Variants in PTPRB observed in about 807,000 individuals in gnomAD.
PTPRB encodes protein tyrosine phosphatase receptor type B, also known as receptor-type tyrosine-protein phosphatase beta.
PTPRB carries 97 observed loss-of-function variants against 238.1 expected under a neutral mutation model. That is an observed-to-expected ratio of 0.41 (90% CI 0.35 to 0.48). The LOEUF (loss-of-function observed/expected upper bound fraction) is 0.48. Among genes scored for constraint, PTPRB ranks in the 20% least tolerant of loss-of-function variants. The pLI is 0.30. For missense variants in PTPRB, 2,292 were observed against 2,681.9 expected, an observed-to-expected ratio of 0.85 and a Z score of 3.21; for synonymous variants, 970 against 995.4, an observed-to-expected ratio of 0.97 and a Z score of 0.48.
chr12:70,558,844 G>T (rs1878074090), intron 18 of PTPRB: 1 of 165,920 alleles, frequency 6.0e-6, no homozygotes, highest in Non-Finnish European at 1.3e-5. Context: ...CACCTTTTAT[G>T]CTATGGCCAA....
At chr12:70,540,986 C>G in intron 22 of PTPRB, 29 bp from the exon 23 acceptor site, 1 of 1,551,518 alleles carries the variant, frequency 6.4e-7, no homozygotes, top group Non-Finnish European at 8.8e-7. Flanking sequence ...AAACAACAAA[C>G]GCAGGTGGGA....
rs111887306 is a variant in PTPRB, at chr12:70,635,875, T to C, written c.247A>G (p.Ile83Val). ...NSSRGPSRSA[I>V]LDRCSQAPRW... Reference sequence around the variant, plus strand: ...GGTGCCTGGGAACAGCGGTCCAAGATGGCTGAGCGGGAGGGGCCGCGGGAA... The same window carrying C: ...GGTGCCTGGGAACAGCGGTCCAAGACGGCTGAGCGGGAGGGGCCGCGGGAA... Residue 83 changes from isoleucine (I) to valine (V), a missense_variant, in exon 2 of 34, where the codon ATC becomes GTC. This residue lies in a region of PTPRB where 1,205 missense variants were observed against 1,287.8 expected (regional missense o/e 0.94). Coordinates refer to ENST00000334414, the MANE Select transcript of PTPRB (RefSeq NM_001109754.4). The C allele has an allele frequency of 1.2e-5, 20 of 1,613,636 alleles. No individual in the cohort carries two copies. Among genetic ancestry groups the C allele is most frequent in the South Asian group, 9.9e-5 (9 of 91,056 alleles).
At chr12:70,602,153 CTTACT>C (rs1412187545) in intron 4 of PTPRB, among the ~76,000 whole-genome samples, 3 of 152,058 alleles carry the variant, frequency 2.0e-5, no homozygotes, top group African/African-American at 7.2e-5. Context: ...AGTTTTCTGG[CTTACT>C]TTAAAGATGA....
Position 70,635,936 on chromosome 12 carries a change from A to G in PTPRB, c.186T>C (p.His62=). The G allele has an allele frequency of 1.2e-6, 2 of 1,613,752 alleles. No individual in the cohort carries two copies. The highest frequency in any genetic ancestry group is 1.1e-5 in the South Asian group (1 of 91,024). Residue 62 remains histidine, a synonymous_variant, in exon 2 of 34, where the codon CAT becomes CAC. Coordinates refer to ENST00000334414, the MANE Select transcript of PTPRB (RefSeq NM_001109754.4). ...WMWTEDEKLL[H]VKSALCLAIS... is the part of the protein sequence containing the mutation. ...TGGCCAAGCACAGTGCAGATTTAAC[A>G]TGAAGGAGCTTTTCATCCTCAGTCC...
At chr12:70,580,691 C>T (rs1340300132) in intron 10 of PTPRB, among the ~76,000 whole-genome samples, 8 of 152,110 alleles carry the variant, frequency 5.3e-5, no homozygotes, top group Admixed American at 2.0e-4. Flanking sequence ...TGGTGGCACA[C>T]GCCTGTAATC....
chr12:70,576,648 G>C lies in PTPRB; in HGVS notation c.2579-3C>G. Reference sequence around the variant, plus strand: ...TACTCCACTCACACTGGAAGGGACTGTGATTTTGAAAGGTGGGGGGCGGGG... The same window carrying C: ...TACTCCACTCACACTGGAAGGGACTCTGATTTTGAAAGGTGGGGGGCGGGG... On this transcript the variant is annotated splice_polypyrimidine_tract_variant and splice_region_variant and intron_variant, in intron 10 of 33. Transcript: ENST00000334414. The C allele has an allele frequency of 1.1e-6, 1 of 875,148 alleles. No homozygotes were observed. Among genetic ancestry groups the C allele is most frequent in the Non-Finnish European group, 1.5e-6 (1 of 666,254 alleles). 54.2% of individuals were successfully genotyped at this position (875,148 alleles called of 1,614,324 possible). A position where few individuals can be genotyped will look rare whatever the true frequency, so the allele number is the denominator to read the frequency against.
Position 70,556,100 on chromosome 12 carries a change from G to A in PTPRB, c.4763C>T (p.Ala1588Val), listed in dbSNP as rs1270122101. ...NLHCRPQNST[A>V]IACSWIPPDS... ...AGGAGGGATCCAAGAACAGGCAATG[G>A]CCGTGGAGTTCTGAGGCCGGCAATG... Residue 1588 changes from alanine to valine, a missense_variant, in exon 19 of 34, where the codon GCC becomes GTC. By Grantham distance (64) the Ala-to-Val change is moderately conservative (BLOSUM62 0). This residue lies in a region of PTPRB where 683 missense variants were observed against 862.0 expected (regional missense o/e 0.79). Transcript: ENST00000334414. 1 of 1,613,686 alleles carries A rather than the reference G, an allele frequency of 6.2e-7. No homozygotes were observed. Among genetic ancestry groups the A allele is most frequent in the African/African-American group, 1.3e-5 (1 of 74,918 alleles).
chr12:70,555,056 T>C (rs1877447380), intron 20 of PTPRB, 104 bp downstream of exon 20: 1 of 1,364,984 alleles, frequency 7.3e-7, no homozygotes, highest in South Asian at 1.4e-5. Context: ...AAAAATTACA[T>C]TTTCTACTTA....
intron 15 of PTPRB, 112 bp downstream of exon 15, chr12:70,566,323 C>CA: frequency 7.5e-7 from 1 of 1,332,066 alleles, no homozygotes; most frequent in South Asian, 1.5e-5. Flanking sequence ...CCCAGCGTAT[C>CA]AAGAGATAGA....
chr12:70,610,051 T>TCCCACGCTGCCATTCTGA (rs1884335337), intron 3 of PTPRB, among the ~76,000 whole-genome samples: 1 of 152,024 alleles, frequency 6.6e-6, no homozygotes, highest in Non-Finnish European at 1.5e-5. Flanking sequence ...GCGCCGCCCT[T>TCCCACGCTGCCATTCTGA]CCCACGCTGC....
At chr12:70,539,907 A>G (rs919595) in intron 24 of PTPRB, 32 bp downstream of exon 24, 994,856 of 1,586,504 alleles carry the variant, frequency 0.63, 312,978 homozygotes, top group South Asian at 0.65. Flanking sequence ...CCATCTTTCA[A>G]CAAATTATAC....
chr12:70,610,173 C>G (rs1447264502), intron 3 of PTPRB, among the ~76,000 whole-genome samples: 1 of 152,190 alleles, frequency 6.6e-6, no homozygotes, highest in African/African-American at 2.4e-5. Flanking sequence ...GAGGGAGCCC[C>G]GAGGAGCCAA....
intron 18 of PTPRB, chr12:70,559,129 A>T: frequency 1.6e-6 from 1 of 613,340 alleles, no homozygotes; most frequent in Non-Finnish European, 2.9e-6. Context: ...CGTCCTACCT[A>T]ATTGTAAGCC....
chr12:70,606,076 T>C (rs1278315693), intron 4 of PTPRB, among the ~76,000 whole-genome samples: 1 of 152,226 alleles, frequency 6.6e-6, no homozygotes, highest in African/African-American at 2.4e-5. Context: ...CCTCTATGGT[T>C]ATGAAAGCAT....
At chr12:70,538,296 A>G in intron 27 of PTPRB, 65 bp from the exon 28 acceptor site, 1 of 1,388,600 alleles carries the variant, frequency 7.2e-7, no homozygotes, top group South Asian at 1.3e-5. Context: ...GATGTGTGTG[A>G]TGTGCCTTAG....
chr12:70,520,314 T>G lies in PTPRB; in HGVS notation c.*1175A>C. ...AAGATAAACTTGGTACAGTATGTAG[T>G]GCCTTTTGTTATTAAATGCAACTTT... On this transcript the variant is annotated 3_prime_UTR_variant, in exon 34 of 34. Transcript: ENST00000334414. The G allele has an allele frequency of 3.0e-6, 1 of 337,730 alleles. No individual in the cohort carries two copies. Among genetic ancestry groups the G allele is most frequent in the South Asian group, 2.3e-5 (1 of 44,080 alleles). The allele number at this position is 337,730 out of a possible 1,614,324, so 20.9% of individuals were successfully genotyped here.
At chr12:70,529,460 T>G (rs951495683) in intron 32 of PTPRB, among the ~76,000 whole-genome samples, 20 of 152,156 alleles carry the variant, frequency 1.3e-4, no homozygotes, top group African/African-American at 4.6e-4. Flanking sequence ...GGTTTGAGTT[T>G]GTGAAAGTGA....
intron 3 of PTPRB, among the ~76,000 whole-genome samples, chr12:70,614,336 AT>A (rs1028790385): frequency 1.9e-4 from 28 of 150,546 alleles, no homozygotes; most frequent in East Asian, 5.8e-4. Flanking sequence ...CTTGGCTTTA[AT>A]TTTTTTTTTA....
Position 70,571,203 on chromosome 12 carries a change from C to T in PTPRB, c.3193G>A (p.Asp1065Asn), listed in dbSNP as rs761781340. 2.3e-5 allele frequency: 37 copies of T among 1,613,784 alleles called. No homozygotes were observed. In the East Asian group the frequency reaches 5.3e-4, roughly 23 times the overall value. Residue 1065 changes from aspartate to asparagine, a missense_variant, in exon 13 of 34, where the codon GAC (aspartate) becomes AAC (asparagine). Coordinates refer to ENST00000334414, the MANE Select transcript of PTPRB (RefSeq NM_001109754.4). ...AAGAGCAGCTGGATCTCATATTGGT[C>T]GACATCCCCATTAGCTCCTGACCAA... ...VTWSGANGDVDQYEIQLLFND... is the reference protein window; with the variant it reads ...VTWSGANGDVNQYEIQLLFND...
Sources: gnomAD v4.1 joint callset for allele counts (sites outside exome capture counted in the v4.1 genomes callset) on GRCh38, gnomAD v4.1.1 for gene constraint, gnomAD v4.1.1 regional missense constraint, MANE v1.5 for transcripts, NCBI Gene and HGNC (gene_info 2026-07-23, HGNC 2026-07-21) for gene names.